Variants in CFAP74 observed in about 807,000 individuals in gnomAD.
CFAP74 encodes the protein cilia- and flagella-associated protein 74.
Under a neutral mutation model 188.9 loss-of-function variants are expected in CFAP74, and 124 were observed. That is an observed-to-expected ratio of 0.66 (90% confidence interval 0.57 to 0.76). The LOEUF is 0.76. CFAP74 is among the 30% of genes least tolerant of loss of function. CFAP74 has a pLI of 0.00. For synonymous variants in CFAP74, 956 were observed against 916.7 expected (o/e 1.04, Z -0.77); for missense variants, 2,198 against 2,165.2 (o/e 1.02, Z -0.30).
At chr1:1,990,807 G>A (rs1006754175) in intron 2 of CFAP74, 83 bp downstream of exon 2, 15 of 1,003,936 alleles carry the variant, frequency 1.5e-5, no homozygotes, top group Non-Finnish European at 2.1e-5. Context: ...CAGAAATAAA[G>A]GGAATTAAAG....
intron 18 of CFAP74, among the ~76,000 whole-genome samples, chr1:1,948,970 C>CTTTCCCTCCCTTACTCCT: frequency 1.2e-5 from 1 of 84,572 alleles, no homozygotes; most frequent in Non-Finnish European, 2.2e-5. Flanking sequence ...CCCTTCCTTC[C>CTTTCCCTCCCTTACTCCT]TCCTTCCCTC....
In CFAP74 at chr1:1,988,992, GT is replaced by G. The variant is rs1273393142; in HGVS notation, c.68-20del. Reference sequence around the variant, plus strand: ...TCTCTTTCTAGAAATCAAGGCAAGAGTTTAAAAAAAAAAAAAAGCAGATCAA... The same window carrying G: ...TCTCTTTCTAGAAATCAAGGCAAGAGTTAAAAAAAAAAAAAAGCAGATCAA... On this transcript the variant is annotated intron_variant, in intron 2 of 38. Transcript: ENST00000682832. The G allele has an allele frequency of 1.4e-5, 15 of 1,096,670 alleles. No homozygotes were observed. Among genetic ancestry groups the G allele is most frequent in the East Asian group, 7.4e-5 (3 of 40,484 alleles). The allele number at this position is 1,096,670 out of a possible 1,614,324, so 67.9% of individuals were successfully genotyped here.
At chr1:1,991,761 T>C (rs13303315) in intron 1 of CFAP74, among the ~76,000 whole-genome samples, 88,759 of 151,812 alleles carry the variant, frequency 0.58, 26,194 homozygotes, top group East Asian at 0.65. Flanking sequence ...TGAGATTGGC[T>C]GGGCGTGGTG....
At position 1,981,688 on chromosome 1, in the gene CFAP74, CAG is replaced by C. The variant is rs1271770416; in HGVS notation, c.500+3696_500+3697del. On this transcript the variant is annotated intron_variant, in intron 6 of 38. Transcript: ENST00000682832. ...GGCACGCAGGACACCCAGCCGCGGA[CAG>C]ACACGGGGGCACGCAGGACACCCAG... is the stretch of plus-strand genomic sequence containing the variant. 3.1e-3 allele frequency among the ~76,000 whole-genome samples: 395 copies of C among 129,140 alleles called. 5 individuals carry two copies. The highest frequency in any genetic ancestry group is 4.4e-3 in the Non-Finnish European group (277 of 63,040). The allele number at this position is 129,140 out of a possible 152,430, so 84.7% of individuals were successfully genotyped here.
chr1:1,991,857 G>GT (rs1328952486), intron 1 of CFAP74, among the ~76,000 whole-genome samples: 16 of 151,744 alleles, frequency 1.1e-4, no homozygotes, highest in South Asian at 4.2e-4. Flanking sequence ...GGCTAGCACA[G>GT]TGAAACCCCA....
At chr1:1,949,864 T>G (rs1654097466) in intron 18 of CFAP74, among the ~76,000 whole-genome samples, 1 of 152,252 alleles carries the variant, frequency 6.6e-6, no homozygotes, top group African/African-American at 2.4e-5. Flanking sequence ...CATGTCTGTT[T>G]GCTGCTCGGC....
chr1:1,977,627 C>A (rs963128332), intron 6 of CFAP74, among the ~76,000 whole-genome samples: 3 of 152,200 alleles, frequency 2.0e-5, no homozygotes, highest in African/African-American at 7.2e-5. Context: ...TCCAACCCTG[C>A]CAGACCGCAG....
intron 1 of CFAP74, among the ~76,000 whole-genome samples, chr1:2,002,983 T>C (rs1658279812): frequency 6.6e-6 from 1 of 152,014 alleles, no homozygotes; most frequent in Non-Finnish European, 1.5e-5. Flanking sequence ...GTTAACTATA[T>C]TGTTTAGGGA....
chr1:1,973,110 C>T lies in CFAP74; in HGVS notation c.675-63G>A, dbSNP rs1656207454. On this transcript the variant is annotated intron_variant, in intron 7 of 38. Coordinates refer to ENST00000682832, the MANE Select transcript of CFAP74 (RefSeq NM_001304360.2). The surrounding 1 kb of genome is among the most constrained non-coding windows in gnomAD (Gnocchi z 6.2). ...TCACACGTCCCATCTGCCCCCAAGC[C>T]CTGCACGGCTGGAGCTCGTGTCCCA... 9 of 1,221,904 alleles carry T rather than the reference C, an allele frequency of 7.4e-6. No individual in the cohort carries two copies. The highest frequency in any genetic ancestry group is 1.1e-5 in the Non-Finnish European group (9 of 848,252). 75.7% of individuals were successfully genotyped at this position (1,221,904 alleles called of 1,614,324 possible). A position where few individuals can be genotyped will look rare whatever the true frequency, so the allele number is the denominator to read the frequency against.
At chr1:1,932,328 C>T (rs544609306) in intron 25 of CFAP74, among the ~76,000 whole-genome samples, 3 of 144,462 alleles carry the variant, frequency 2.1e-5, no homozygotes, top group Non-Finnish European at 3.0e-5. Flanking sequence ...ACCCAGGAGG[C>T]GGAGCTTGCA....
intron 6 of CFAP74, among the ~76,000 whole-genome samples, chr1:1,981,332 C>T (rs1656829916): frequency 6.6e-6 from 1 of 152,192 alleles, no homozygotes; most frequent in African/African-American, 2.4e-5. Context: ...GGAGGGGGCG[C>T]TGCCTCCAAC....
At chr1:1,944,669 C>T (rs1296727460) in intron 20 of CFAP74, among the ~76,000 whole-genome samples, 2 of 152,158 alleles carry the variant, frequency 1.3e-5, no homozygotes, top group East Asian at 1.9e-4. Flanking sequence ...TGCAATGGTG[C>T]GATCTCGGCT....
At chr1:1,960,771 T>G (rs910699065) in intron 14 of CFAP74, among the ~76,000 whole-genome samples, 5 of 152,210 alleles carry the variant, frequency 3.3e-5, no homozygotes, top group African/African-American at 1.2e-4. Context: ...TGGTGCCGAC[T>G]GCACAGAGCC....
At chr1:1,962,198 T>C (rs887075102) in intron 14 of CFAP74, among the ~76,000 whole-genome samples, 13 of 152,274 alleles carry the variant, frequency 8.5e-5, no homozygotes, top group Admixed American at 6.5e-4. Flanking sequence ...TTAGGCTGGG[T>C]GCTGTGGCTC....
chr1:1,938,264 T>C (rs554270264), intron 25 of CFAP74, among the ~76,000 whole-genome samples: 3 of 144,662 alleles, frequency 2.1e-5, no homozygotes, highest in South Asian at 2.2e-4. Flanking sequence ...CACTCAACCT[T>C]ACACACCCAC....
intron 1 of CFAP74, among the ~76,000 whole-genome samples, chr1:1,995,174 G>A (rs985079454): frequency 5.3e-5 from 8 of 151,996 alleles, no homozygotes; most frequent in African/African-American, 9.7e-5. Flanking sequence ...CAGAAATGCC[G>A]GATAGGACTG....
At chr1:1,992,118 C>T (rs955485257) in intron 1 of CFAP74, among the ~76,000 whole-genome samples, 10 of 152,064 alleles carry the variant, frequency 6.6e-5, no homozygotes, top group South Asian at 2.1e-4. Context: ...GGCATCGTCA[C>T]GCGTTGCTGG....
intron 27 of CFAP74, 117 bp downstream of exon 27, chr1:1,928,667 G>T: frequency 4.3e-6 from 3 of 703,788 alleles, no homozygotes; most frequent in Non-Finnish European, 4.8e-6. Context: ...CTTGGGAAAG[G>T]TCTACCCTGT....
At chr1:1,929,216 A>ACGGG (rs2102033548) in intron 26 of CFAP74, among the ~76,000 whole-genome samples, 1 of 147,782 alleles carries the variant, frequency 6.8e-6, no homozygotes, top group East Asian at 2.1e-4. Context: ...CTTGAGTTTG[A>ACGGG]CGGGCGAGTC....
Sources: gnomAD v4.1 joint callset for allele counts (sites outside exome capture counted in the v4.1 genomes callset) on GRCh38, gnomAD v4.1.1 for gene constraint, Gnocchi (gnomAD v3.1) non-coding constraint, MANE v1.5 for transcripts, NCBI Gene and HGNC (gene_info 2026-07-23, HGNC 2026-07-21) for gene names.